The following QTMAN variants were observed in gnomAD, a reference collection of about 807,000 sequenced individuals.
The protein encoded by QTMAN is tRNA-queuosine alpha-mannosyltransferase.
the QTMAN span, among the ~76,000 whole-genome samples, chr2:144,090,695 G>C: frequency 1.3e-5 from 2 of 151,840 alleles, no homozygotes; most frequent in African/African-American, 4.8e-5. Context: ...TGTATATATT[G>C]ATGTATATGT....
the QTMAN span, among the ~76,000 whole-genome samples, chr2:144,282,734 T>A: frequency 6.6e-6 from 1 of 152,116 alleles, no homozygotes; most frequent in East Asian, 1.9e-4. Context: ...TAGGAGCATC[T>A]TTTTTTCTAA....
chr2:144,263,703 A>G, the QTMAN span, among the ~76,000 whole-genome samples: 1 of 152,216 alleles, frequency 6.6e-6, no homozygotes, highest in Non-Finnish European at 1.5e-5. Context: ...TGCCTGGGTG[A>G]CAGAGTGAGA....
chr2:143,958,246 T>C, the QTMAN span, among the ~76,000 whole-genome samples: 21 of 152,064 alleles, frequency 1.4e-4, no homozygotes, highest in African/African-American at 3.6e-4. Flanking sequence ...TAGACATAAC[T>C]ATCAACGGGG....
the QTMAN span, among the ~76,000 whole-genome samples, chr2:144,276,115 C>G: frequency 6.6e-6 from 1 of 151,924 alleles, no homozygotes; most frequent in Non-Finnish European, 1.5e-5. Flanking sequence ...GTTTGAGAGT[C>G]AATGCTCCAT....
the QTMAN span, among the ~76,000 whole-genome samples, chr2:144,228,707 C>G: frequency 2.6e-5 from 4 of 152,092 alleles, 1 homozygote; most frequent in South Asian, 6.2e-4. Context: ...GCCTGCAATC[C>G]CAGCACTTTG....
the QTMAN span, among the ~76,000 whole-genome samples, chr2:143,962,048 G>A: frequency 6.6e-6 from 1 of 152,062 alleles, no homozygotes; most frequent in African/African-American, 2.4e-5. Flanking sequence ...CACCAGGAGT[G>A]CTGCAGACTC....
chr2:144,097,177 G>A, the QTMAN span, among the ~76,000 whole-genome samples: 1 of 152,172 alleles, frequency 6.6e-6, no homozygotes, highest in South Asian at 2.1e-4. Context: ...CTAATTCTAT[G>A]CTCACAGGAT....
chr2:143,948,184 A>G, the QTMAN span, among the ~76,000 whole-genome samples: 1 of 152,356 alleles, frequency 6.6e-6, no homozygotes, highest in African/African-American at 2.4e-5. Flanking sequence ...GTTCAGGTAC[A>G]TATAGCTTGA....
chr2:144,157,341 T>A, the QTMAN span, among the ~76,000 whole-genome samples: 1 of 151,960 alleles, frequency 6.6e-6, no homozygotes, highest in Non-Finnish European at 1.5e-5. Context: ...TATCTGAAGA[T>A]CACATGTCAT....
the QTMAN span, among the ~76,000 whole-genome samples, chr2:143,981,959 T>A: frequency 6.6e-6 from 1 of 152,212 alleles, no homozygotes; most frequent in Non-Finnish European, 1.5e-5. Flanking sequence ...AAAGAAAAAG[T>A]TCAGCCCCAA....
At chr2:144,092,998 A>G in the QTMAN span, among the ~76,000 whole-genome samples, 1 of 152,056 alleles carries the variant, frequency 6.6e-6, no homozygotes, top group Non-Finnish European at 1.5e-5. Context: ...TAAAGTGAAG[A>G]AAAATTATTT....
the QTMAN span, among the ~76,000 whole-genome samples, chr2:143,967,069 G>A: frequency 6.6e-6 from 1 of 152,166 alleles, no homozygotes; most frequent in African/African-American, 2.4e-5. Context: ...CTCACTTATA[G>A]GCAATGTAAT....
chr2:144,226,791 G>A, the QTMAN span, among the ~76,000 whole-genome samples: 1 of 152,092 alleles, frequency 6.6e-6, no homozygotes, highest in Admixed American at 6.5e-5. Flanking sequence ...TTTGTCCTCT[G>A]AGGTTAAAAT....
At chr2:144,182,311 G>GT in the QTMAN span, among the ~76,000 whole-genome samples, 1 of 152,028 alleles carries the variant, frequency 6.6e-6, no homozygotes, top group Admixed American at 6.6e-5. Flanking sequence ...AATTTCCTCA[G>GT]TAGGTATGTG....
chr2:144,082,666 T>A, the QTMAN span, among the ~76,000 whole-genome samples: 1 of 152,162 alleles, frequency 6.6e-6, no homozygotes, highest in Non-Finnish European at 1.5e-5. Context: ...AACCCTCTTA[T>A]GTTACAGATG....
chr2:144,325,333 G>T, the QTMAN span, among the ~76,000 whole-genome samples: 5 of 152,142 alleles, frequency 3.3e-5, no homozygotes. Context: ...TAAAACAGCA[G>T]GCAGTGCAGG....
At chr2:144,287,304 G>A in the QTMAN span, among the ~76,000 whole-genome samples, 11 of 152,130 alleles carry the variant, frequency 7.2e-5, no homozygotes, top group Admixed American at 2.0e-4. Flanking sequence ...GCGTGGTGGC[G>A]TGCGCCTGTA....
At chr2:144,165,862 T>C in the QTMAN span, among the ~76,000 whole-genome samples, 6 of 152,288 alleles carry the variant, frequency 3.9e-5, no homozygotes, top group East Asian at 1.2e-3. Context: ...CTCAAATATG[T>C]CCCTTCAACG....
the QTMAN span, among the ~76,000 whole-genome samples, chr2:144,174,030 G>A: frequency 6.6e-6 from 1 of 152,126 alleles, no homozygotes; most frequent in Non-Finnish European, 1.5e-5. Flanking sequence ...TCAGAACCAT[G>A]ACCCAAATAA....
Sources: allele counts gnomAD v4.1 joint callset (sites outside exome capture counted in the v4.1 genomes callset), GRCh38; gene constraint gnomAD v4.1.1; transcripts MANE v1.5; gene names NCBI Gene and HGNC (gene_info 2026-07-23, HGNC 2026-07-21).